MYO6: variants seen among roughly 807,000 people sequenced by gnomAD.
The protein encoded by MYO6 is unconventional myosin-VI.
In MYO6, 74 loss-of-function variants were observed where a neutral mutation model predicts 178.7. The observed-to-expected ratio is 0.41, with a 90% CI of 0.34 to 0.50. MYO6 has a LOEUF of 0.50. MYO6 is among the 20% of genes least tolerant of loss of function. The pLI is 0.09. For synonymous variants in MYO6, 477 were observed against 504.6 expected, an observed-to-expected ratio of 0.95 and a Z score of 0.73; for missense variants, 1,330 against 1,547.4, an observed-to-expected ratio of 0.86 and a Z score of 2.36.
intron 30 of MYO6, among the ~76,000 whole-genome samples, chr6:75,899,867 C>T (rs1779605681): frequency 7.1e-6 from 1 of 140,794 alleles, no homozygotes; most frequent in Admixed American, 7.0e-5. Flanking sequence ...GTATATCTCC[C>T]AATGCTATCC....
intron 1 of MYO6, among the ~76,000 whole-genome samples, chr6:75,808,972 A>C (rs750800448): frequency 2.0e-5 from 3 of 152,178 alleles, no homozygotes; most frequent in Non-Finnish European, 4.4e-5. Context: ...TACAGGTGAG[A>C]GGAGGGTAGA....
intron 7 of MYO6, among the ~76,000 whole-genome samples, chr6:75,837,581 A>G (rs1376293047): frequency 6.6e-6 from 1 of 152,210 alleles, no homozygotes; most frequent in African/African-American, 2.4e-5. Context: ...GGGGCCTTGT[A>G]TGTTCATGCA....
chr6:75,828,454 G>A (rs1772707971), intron 3 of MYO6, 86 bp from the exon 4 acceptor site: 3 of 852,592 alleles, frequency 3.5e-6, no homozygotes, highest in African/African-American at 1.7e-5. Context: ...TTTAGGATGA[G>A]TCAAAGTGAT....
intron 23 of MYO6, 102 bp downstream of exon 23, chr6:75,881,920 G>A: frequency 7.1e-7 from 1 of 1,401,512 alleles, no homozygotes; most frequent in South Asian, 1.2e-5. Context: ...AACAGAGACT[G>A]AGACTTGTTC....
intron 1 of MYO6, among the ~76,000 whole-genome samples, chr6:75,753,949 A>G (rs1275155297): frequency 1.3e-5 from 2 of 152,216 alleles, no homozygotes; most frequent in South Asian, 2.1e-4. Flanking sequence ...AGAAATGACC[A>G]TAAGTCCACC....
At chr6:75,913,767 C>T (rs1448801670) in intron 33 of MYO6, among the ~76,000 whole-genome samples, 1 of 151,936 alleles carries the variant, frequency 6.6e-6, no homozygotes, top group Non-Finnish European at 1.5e-5. Flanking sequence ...TTTTAGGTTA[C>T]TGTTACAGTG....
Position 75,841,192 on chromosome 6 carries a change from TTC to T in MYO6, c.652-18_652-17del. ...AAGACTTTAAATGCAAAAATATATTTTCTCTGTGTTTTGTTTTTTAGAGCTCA... is the reference window on the plus strand; with the variant it reads ...AAGACTTTAAATGCAAAAATATATTTTCTGTGTTTTGTTTTTTAGAGCTCA... On this transcript the variant is annotated intron_variant, in intron 8 of 34. Transcript: ENST00000369977. The T allele has an allele frequency of 6.2e-7, 1 of 1,607,800 alleles. No individual in the cohort carries two copies. Among genetic ancestry groups the T allele is most frequent in the South Asian group, 1.1e-5 (1 of 90,898 alleles).
In MYO6 at chr6:75,838,177, C is replaced by T. The variant is rs115616047; in HGVS notation, c.553+2221C>T. Among the ~76,000 whole-genome samples the T allele has an allele frequency of 3.1e-3, 466 of 152,000 alleles. 4 individuals are homozygous for T. Among genetic ancestry groups the T allele is most frequent in the African/African-American group, 0.011 (442 of 41,452 alleles). ...AAGTGATAGCGCTGCTTCATCCTAC[C>T]GAGTAGCTGGGATTATAGGGGTGTG... On this transcript the variant is annotated intron_variant, in intron 7 of 34. Coordinates refer to ENST00000369977, the MANE Select transcript of MYO6 (RefSeq NM_004999.4).
chr6:75,787,722 C>CTATATA (rs1767771046), intron 1 of MYO6, among the ~76,000 whole-genome samples: 3 of 29,092 alleles, frequency 1.0e-4, no homozygotes, highest in Admixed American at 4.6e-4. Context: ...CTCTCTCTCT[C>CTATATA]TCTCTCTCTA....
In MYO6 at chr6:75,830,535, CTT is replaced by C. The variant is rs1772975896; in HGVS notation, c.383_384del (p.Phe128CysfsTer4). 1 of 1,611,078 alleles carries C rather than the reference CTT, an allele frequency of 6.2e-7. No homozygotes were observed. The highest frequency in any genetic ancestry group is 8.5e-7 in the Non-Finnish European group (1 of 1,177,680). Reference sequence around the variant, plus strand: ...CTCTTGGGACAAGACCACCTCATGTCTTTGCAATTGGTAAGTGATTTTAAATG... The same window carrying C: ...CTCTTGGGACAAGACCACCTCATGTCTGCAATTGGTAAGTGATTTTAAATG... Reference protein sequence around the residue: ...KSLGTRPPHVFAIADKAFRDM... With the variant: ...KSLGTRPPHVXAIADKAFRDM... On this transcript the variant is annotated frameshift_variant, in exon 5 of 35. Transcript: ENST00000369977. LOFTEE classifies it high-confidence loss of function.
chr6:75,775,342 G>A (rs1258994829), intron 1 of MYO6, among the ~76,000 whole-genome samples: 1 of 152,166 alleles, frequency 6.6e-6, no homozygotes, highest in Non-Finnish European at 1.5e-5. Context: ...TCACCTCTGG[G>A]TCAAGAACTT....
chr6:75,861,800 A>G (rs1776234319), intron 15 of MYO6, among the ~76,000 whole-genome samples: 1 of 152,186 alleles, frequency 6.6e-6, no homozygotes. Context: ...GCACTTTCAC[A>G]TTTCACTTGG....
At position 75,886,042 on chromosome 6, in the gene MYO6, A is replaced by G; in HGVS notation, c.2455A>G (p.Lys819Glu). ...KIKYRAEACIKMQKTIRMWLC... is the reference protein window; with the variant it reads ...KIKYRAEACIEMQKTIRMWLC... Reference sequence around the variant, plus strand: ...AAAATATCGAGCTGAAGCCTGCATTAAAATGCAAAAAACTATTCGAATGTG... The same window carrying G: ...AAAATATCGAGCTGAAGCCTGCATTGAAATGCAAAAAACTATTCGAATGTG... Residue 819 changes from lysine to glutamate, a missense_variant, in exon 24 of 35, where the codon AAA becomes GAA. This residue lies in a region of MYO6 where 601 missense variants were observed against 626.1 expected (regional missense o/e 0.96). Coordinates refer to ENST00000369977, the MANE Select transcript of MYO6 (RefSeq NM_004999.4). 6.2e-7 allele frequency: 1 copy of G among 1,612,018 alleles called. No individual in the cohort carries two copies. The highest frequency in any genetic ancestry group is 8.5e-7 in the Non-Finnish European group (1 of 1,178,486).
chr6:75,778,079 T>C (rs963974341), intron 1 of MYO6, among the ~76,000 whole-genome samples: 2 of 152,128 alleles, frequency 1.3e-5, no homozygotes, highest in African/African-American at 4.8e-5. Flanking sequence ...AAGCTGATCT[T>C]AAACTCCTGG....
At chr6:75,852,324 CT>C (rs986832935) in intron 11 of MYO6, among the ~76,000 whole-genome samples, 2 of 151,896 alleles carry the variant, frequency 1.3e-5, no homozygotes, top group Admixed American at 6.6e-5. Context: ...AAGTATCTCT[CT>C]TTTTTCTTTT....
At chr6:75,821,427 T>C (rs1268493009) in intron 2 of MYO6, among the ~76,000 whole-genome samples, 1 of 152,204 alleles carries the variant, frequency 6.6e-6, no homozygotes, top group Non-Finnish European at 1.5e-5. Flanking sequence ...ATATACTTAA[T>C]GCACATGATG....
rs1162049542 is a variant in MYO6, at chr6:75,873,320, C to T, written c.2077+20C>T. On this transcript the variant is annotated intron_variant, in intron 20 of 34. Transcript: ENST00000369977. Reference sequence around the variant, plus strand: ...GTTCAGGTATTTTCATAATCTCTGTCAGTGTGTGTTAGTAGTCATAGCTCA... The same window carrying T: ...GTTCAGGTATTTTCATAATCTCTGTTAGTGTGTGTTAGTAGTCATAGCTCA... The T allele has an allele frequency of 1.3e-6, 2 of 1,558,670 alleles. No homozygotes were observed. The highest frequency in any genetic ancestry group is 2.2e-5 in the South Asian group (2 of 89,940).
At chr6:75,900,413 T>G (rs1193007471) in intron 30 of MYO6, among the ~76,000 whole-genome samples, 2 of 152,218 alleles carry the variant, frequency 1.3e-5, no homozygotes, top group Non-Finnish European at 2.9e-5. Context: ...TCCTGACTTT[T>G]TAATGATTGC....
chr6:75,751,175 T>G (rs1776861481), intron 1 of MYO6, among the ~76,000 whole-genome samples: 1 of 152,244 alleles, frequency 6.6e-6, no homozygotes, highest in Non-Finnish European at 1.5e-5. Flanking sequence ...GCTCACAGAC[T>G]TTTATATATA....
Sources: allele counts gnomAD v4.1 joint callset (sites outside exome capture counted in the v4.1 genomes callset), GRCh38; gene constraint gnomAD v4.1.1; regional missense constraint gnomAD v4.1.1; transcripts MANE v1.5; gene names NCBI Gene and HGNC (gene_info 2026-07-23, HGNC 2026-07-21).